LSAMP: variants seen among roughly 807,000 people sequenced by gnomAD.
LSAMP encodes limbic system-associated membrane protein.
Under a neutral mutation model 38.6 loss-of-function variants are expected in LSAMP, and 7 were observed. The observed-to-expected ratio is 0.18, with a 90% CI of 0.10 to 0.34. The LOEUF (loss-of-function observed/expected upper bound fraction) is 0.34, where lower values mean the gene tolerates loss of function less well. LSAMP is among the 10% of genes least tolerant of loss of function. LSAMP has a pLI of 1.00. For missense variants in LSAMP, 313 were observed against 420.0 expected (o/e 0.75, Z 2.23); for synonymous variants, 154 against 166.8 (o/e 0.92, Z 0.59).
chr3:116,305,286 T>C (rs2047467172), intron 1 of LSAMP, among the ~76,000 whole-genome samples: 2 of 152,128 alleles, frequency 1.3e-5, no homozygotes, highest in Admixed American at 6.6e-5. Flanking sequence ...GAAAAGAGAA[T>C]AGAAATGAGC....
chr3:116,032,430 T>C (rs1197658124), intron 2 of LSAMP, among the ~76,000 whole-genome samples: 2 of 152,092 alleles, frequency 1.3e-5, no homozygotes, highest in Non-Finnish European at 2.9e-5. Flanking sequence ...ATCACAAAGC[T>C]AGAGAGTGAA....
At chr3:116,388,485 T>C (rs1385817235) in intron 1 of LSAMP, among the ~76,000 whole-genome samples, 1 of 152,204 alleles carries the variant, frequency 6.6e-6, no homozygotes, top group Non-Finnish European at 1.5e-5. Context: ...CAGAAATCTT[T>C]CTTTAAATGA....
In LSAMP at chr3:115,807,471, A is replaced by G. The variant is rs1322473838; in HGVS notation, c.*2846T>C. ...AACAAACGGTGCTGACATGGCAGAC[A>G]TTTATTTCAATGGAGAAGTTCCTCC... On this transcript the variant is annotated 3_prime_UTR_variant, in exon 7 of 7. Transcript: ENST00000490035. 6.6e-6 allele frequency: 1 copy of G among 152,170 alleles called. No homozygotes were observed. Among genetic ancestry groups the G allele is most frequent in the African/African-American group, 2.4e-5 (1 of 41,448 alleles). The allele number at this position is 152,170 out of a possible 1,614,324, so 9.4% of individuals were successfully genotyped here.
In LSAMP at chr3:115,806,487, A is replaced by G. The variant is rs1223879256; in HGVS notation, c.*3830T>C. 1 of 152,212 alleles carries G rather than the reference A, an allele frequency of 6.6e-6. No individual in the cohort carries two copies. The highest frequency in any genetic ancestry group is 1.9e-4 in the East Asian group (1 of 5,196). The allele number at this position is 152,212 out of a possible 1,614,324, so 9.4% of individuals were successfully genotyped here. On this transcript the variant is annotated 3_prime_UTR_variant, in exon 7 of 7. Coordinates refer to ENST00000490035, the MANE Select transcript of LSAMP (RefSeq NM_002338.5). ...GATTCAAGAAGCTCACAACTTGGTA[A>G]AGTAATAACTCAAACAATTTCATGC...
chr3:115,871,719 G>T (rs1354095613), intron 3 of LSAMP, among the ~76,000 whole-genome samples: 1 of 151,890 alleles, frequency 6.6e-6, no homozygotes, highest in Non-Finnish European at 1.5e-5. Context: ...GTTCCCTATT[G>T]CTAGACTTTC....
chr3:116,374,290 G>A (rs2048467421), intron 1 of LSAMP, among the ~76,000 whole-genome samples: 1 of 151,824 alleles, frequency 6.6e-6, no homozygotes, highest in African/African-American at 2.4e-5. Context: ...ACAAGAAGAA[G>A]GTGTTCTTAT....
intron 1 of LSAMP, among the ~76,000 whole-genome samples, chr3:116,441,079 A>G (rs919721121): frequency 6.6e-6 from 1 of 152,168 alleles, no homozygotes; most frequent in Admixed American, 6.5e-5. Flanking sequence ...ACAGGGAATT[A>G]AAGACCCCAA....
At chr3:115,849,436 A>C (rs1187908323) in intron 4 of LSAMP, among the ~76,000 whole-genome samples, 1 of 151,890 alleles carries the variant, frequency 6.6e-6, no homozygotes, top group Non-Finnish European at 1.5e-5. Context: ...TGAGTAAATG[A>C]GTCAAGGAAG....
At chr3:116,404,643 T>C (rs2048878815) in intron 1 of LSAMP, among the ~76,000 whole-genome samples, 1 of 152,188 alleles carries the variant, frequency 6.6e-6, no homozygotes. Flanking sequence ...TCTCTACAGA[T>C]ATACTATCTC....
intron 1 of LSAMP, among the ~76,000 whole-genome samples, chr3:116,182,923 A>G (rs1371939071): frequency 6.6e-6 from 1 of 151,862 alleles, no homozygotes; most frequent in Non-Finnish European, 1.5e-5. Context: ...TTGCTGAGAG[A>G]TATCTGTAAA....
chr3:116,233,459 T>C (rs1423858170), intron 1 of LSAMP, among the ~76,000 whole-genome samples: 3 of 147,882 alleles, frequency 2.0e-5, no homozygotes, highest in Admixed American at 1.3e-4. Context: ...TACTTATATA[T>C]AATATTTCTT....
chr3:116,242,808 A>C (rs1250030565), intron 1 of LSAMP, among the ~76,000 whole-genome samples: 1 of 125,402 alleles, frequency 8.0e-6, no homozygotes, highest in Non-Finnish European at 1.8e-5. Context: ...AATATTTCCA[A>C]TACTTTCACT....
At chr3:116,276,674 T>TA (rs559344326) in intron 1 of LSAMP, among the ~76,000 whole-genome samples, 15 of 81,972 alleles carry the variant, frequency 1.8e-4, no homozygotes, top group Admixed American at 6.2e-4. Context: ...TATGGAAAAA[T>TA]AAAAAAAAAG....
chr3:116,358,213 T>C (rs1313663479), intron 1 of LSAMP, among the ~76,000 whole-genome samples: 1 of 152,162 alleles, frequency 6.6e-6, no homozygotes, highest in East Asian at 1.9e-4. Context: ...TAATTGCTTT[T>C]ACTGGAAGGA....
intron 1 of LSAMP, among the ~76,000 whole-genome samples, chr3:116,091,854 G>A (rs1002481083): frequency 3.3e-5 from 5 of 152,136 alleles, no homozygotes; most frequent in African/African-American, 1.2e-4. Context: ...ATATCCTTCC[G>A]CTTTGGGTGG....
chr3:116,260,698 G>T (rs1228965407), intron 1 of LSAMP, among the ~76,000 whole-genome samples: 6 of 152,148 alleles, frequency 3.9e-5, no homozygotes, highest in Non-Finnish European at 8.8e-5. Flanking sequence ...TAACTTCCAG[G>T]TTTCTAACTC....
chr3:115,844,833 C>T (rs569795870), intron 4 of LSAMP, among the ~76,000 whole-genome samples: 17 of 152,076 alleles, frequency 1.1e-4, no homozygotes, highest in African/African-American at 3.6e-4. Flanking sequence ...AAAAACTAGC[C>T]GGGTGTGGTG....
Position 115,807,227 on chromosome 3 carries a change from C to G in LSAMP, c.*3090G>C, listed in dbSNP as rs1184598294. 6.6e-6 allele frequency: 1 copy of G among 152,100 alleles called. No homozygotes were observed. Among genetic ancestry groups the G allele is most frequent in the Non-Finnish European group, 1.5e-5 (1 of 68,026 alleles). 9.4% of individuals were successfully genotyped at this position (152,100 alleles called of 1,614,324 possible). On this transcript the variant is annotated 3_prime_UTR_variant, in exon 7 of 7. Coordinates refer to ENST00000490035, the MANE Select transcript of LSAMP (RefSeq NM_002338.5). Reference sequence around the variant, plus strand: ...GTGTCAGTCCTCTGGCCCTACCTTTCCCTGACTTTTCTCTAAACTATATTT... The same window carrying G: ...GTGTCAGTCCTCTGGCCCTACCTTTGCCTGACTTTTCTCTAAACTATATTT...
chr3:116,137,597 A>C (rs1022724755), intron 1 of LSAMP, among the ~76,000 whole-genome samples: 1 of 152,152 alleles, frequency 6.6e-6, no homozygotes, highest in African/African-American at 2.4e-5. Flanking sequence ...TTAATGCTGA[A>C]AAATAATCAC....
Sources: allele counts gnomAD v4.1 joint callset (sites outside exome capture counted in the v4.1 genomes callset), GRCh38; gene constraint gnomAD v4.1.1; transcripts MANE v1.5; gene names NCBI Gene and HGNC (gene_info 2026-07-23, HGNC 2026-07-21).